The following CACNA1A variants were observed in gnomAD, a reference collection of about 807,000 sequenced individuals.
CACNA1A encodes calcium voltage-gated channel subunit alpha1 A, also known as voltage-dependent P/Q-type calcium channel subunit alpha-1A.
A neutral mutation model predicts 262.4 loss-of-function variants in CACNA1A; 57 were observed. That is an observed-to-expected ratio of 0.22 (90% confidence interval 0.18 to 0.27). CACNA1A has a LOEUF of 0.27. CACNA1A is among the 10% of genes least tolerant of loss of function. CACNA1A has a pLI of 1.00. For synonymous variants in CACNA1A, 1,431 were observed against 1,419.3 expected (o/e 1.01, Z -0.18); for missense variants, 2,526 against 3,562.8 (o/e 0.71, Z 7.41).
At chr19:13,438,436 G>A (rs1294256296) in intron 3 of CACNA1A, among the ~76,000 whole-genome samples, 1 of 152,222 alleles carries the variant, frequency 6.6e-6, no homozygotes, top group Non-Finnish European at 1.5e-5. Context: ...TTGCTGCCAC[G>A]TGAACTAGCT....
In CACNA1A at chr19:13,317,135, G is replaced by GAAGTCGGAGA; in HGVS notation, c.1531_1532insTCTCCGACTT (p.Pro511LeufsTer47). ...ACAAAGGAAGTCGGAGAGCCACTCG[G>GAAGTCGGAGA]GCTGGTTGTAGTGAACAATAGCAAC... On this transcript the variant is annotated frameshift_variant, in exon 11 of 47. Coordinates refer to ENST00000360228, the MANE Select transcript of CACNA1A (RefSeq NM_001127222.2). LOFTEE classifies it high-confidence loss of function. 6.2e-7 allele frequency: 1 copy of GAAGTCGGAGA among 1,607,952 alleles called. No individual in the cohort carries two copies. Among genetic ancestry groups the GAAGTCGGAGA allele is most frequent in the Non-Finnish European group, 8.5e-7 (1 of 1,174,904 alleles).
intron 3 of CACNA1A, among the ~76,000 whole-genome samples, chr19:13,410,910 A>C (rs1285066641): frequency 6.6e-6 from 1 of 151,804 alleles, no homozygotes; most frequent in African/African-American, 2.4e-5. Flanking sequence ...GCTCCTCCTC[A>C]TCTTCCCCAA....
intron 35 of CACNA1A, among the ~76,000 whole-genome samples, chr19:13,231,042 C>T (rs146192871): frequency 4.6e-5 from 7 of 150,894 alleles, no homozygotes; most frequent in Non-Finnish European, 7.4e-5. Context: ...CTCATTCTGT[C>T]GCCCTGGCTG....
At chr19:13,352,930 GCC>G (rs776151829) in intron 6 of CACNA1A, among the ~76,000 whole-genome samples, 5 of 152,038 alleles carry the variant, frequency 3.3e-5, no homozygotes, top group African/African-American at 4.8e-5. Context: ...CCGCCACCAT[GCC>G]TGGCTAATTT....
At chr19:13,210,540 CG>C in intron 44 of CACNA1A, 76 bp downstream of exon 44, 2 of 1,292,884 alleles carry the variant, frequency 1.5e-6, no homozygotes, top group Non-Finnish European at 2.1e-6. Context: ...TGAGAGATGA[CG>C]GGACTCCCTG....
chr19:13,333,800 A>G (rs1181614986), intron 8 of CACNA1A: 1 of 152,446 alleles, frequency 6.6e-6, no homozygotes, highest in Non-Finnish European at 1.5e-5. Context: ...GGGAGTTCCC[A>G]ACATGACATG....
chr19:13,332,236 A>G (rs899585853), intron 9 of CACNA1A, among the ~76,000 whole-genome samples: 10 of 152,074 alleles, frequency 6.6e-5, no homozygotes, highest in African/African-American at 2.4e-4. Flanking sequence ...CCCCATCTCT[A>G]TCAACAATAT....
In CACNA1A at chr19:13,312,662, C is replaced by T. The variant is rs567507041; in HGVS notation, c.1668+7G>A. 1.1e-4 allele frequency: 164 copies of T among 1,512,320 alleles called. 1 individual carries two copies. In the South Asian group the frequency reaches 1.9e-3, roughly 17 times the overall value. 93.7% of individuals were successfully genotyped at this position (1,512,320 alleles called of 1,614,324 possible). A position where few individuals can be genotyped will look rare whatever the true frequency, so the allele number is the denominator to read the frequency against. ...AGAAATGAACTCTTAGAAACAAGAG[C>T]ACTTACCCCACAGTCAAAGCAGTTG... On this transcript the variant is annotated splice_region_variant and intron_variant, in intron 12 of 46. Coordinates refer to ENST00000360228, the MANE Select transcript of CACNA1A (RefSeq NM_001127222.2).
At chr19:13,325,174 T>C (rs1413693724) in intron 10 of CACNA1A, among the ~76,000 whole-genome samples, 1 of 140,194 alleles carries the variant, frequency 7.1e-6, no homozygotes, top group East Asian at 2.1e-4. Flanking sequence ...TCTTCTTCTT[T>C]CCTCCTCTTC....
chr19:13,457,784 C>T (rs1174277411), intron 1 of CACNA1A, among the ~76,000 whole-genome samples: 7 of 146,828 alleles, frequency 4.8e-5, no homozygotes, highest in Admixed American at 2.8e-4. Context: ...ACCCGGGAGG[C>T]GGAGGTTGCA....
intron 22 of CACNA1A, among the ~76,000 whole-genome samples, chr19:13,280,596 G>T (rs2057266481): frequency 6.6e-6 from 1 of 152,018 alleles, no homozygotes. Context: ...GTCAACAGGG[G>T]ATGGATAACA....
At chr19:13,405,305 A>C (rs1157550144) in intron 3 of CACNA1A, among the ~76,000 whole-genome samples, 1 of 151,668 alleles carries the variant, frequency 6.6e-6, no homozygotes, top group Non-Finnish European at 1.5e-5. Flanking sequence ...CAATCCTCCC[A>C]CCTCAGCCTC....
intron 15 of CACNA1A, among the ~76,000 whole-genome samples, chr19:13,307,082 C>T (rs902615059): frequency 4.6e-5 from 7 of 152,190 alleles, no homozygotes; most frequent in African/African-American, 1.7e-4. Flanking sequence ...TCCACTTCAG[C>T]TGCCCTAGTA....
intron 6 of CACNA1A, among the ~76,000 whole-genome samples, chr19:13,339,890 G>A (rs1034610907): frequency 1.3e-5 from 2 of 152,044 alleles, no homozygotes; most frequent in African/African-American, 4.8e-5. Context: ...TTGTTTTAAC[G>A]AGCTCAGAAA....
intron 3 of CACNA1A, among the ~76,000 whole-genome samples, chr19:13,441,496 C>A (rs1048322915): frequency 2.6e-5 from 4 of 151,436 alleles, no homozygotes; most frequent in African/African-American, 9.7e-5. Flanking sequence ...GTGAAACCCC[C>A]TCTCTACTAA....
At chr19:13,430,389 T>A (rs147247512) in intron 3 of CACNA1A, among the ~76,000 whole-genome samples, 11,710 of 152,078 alleles carry the variant, frequency 0.077, 462 homozygotes, top group South Asian at 0.16. Context: ...GTATTTTTAG[T>A]AGAGACAGGG....
chr19:13,342,701 G>A (rs2058695125), intron 6 of CACNA1A, among the ~76,000 whole-genome samples: 2 of 152,152 alleles, frequency 1.3e-5, no homozygotes, highest in Admixed American at 1.3e-4. Flanking sequence ...GGACCTTCTA[G>A]CATTCCTTTT....
intron 3 of CACNA1A, among the ~76,000 whole-genome samples, chr19:13,435,823 T>TTTTTGTTTTG (rs1257054119): frequency 6.6e-6 from 1 of 151,946 alleles, no homozygotes; most frequent in African/African-American, 2.4e-5. Context: ...GCTTTACTTG[T>TTTTTGTTTTG]TTTTGTTTTG....
intron 43 of CACNA1A, 124 bp from the exon 44 acceptor site, chr19:13,210,776 G>A (rs1025907165): frequency 1.0e-5 from 10 of 980,028 alleles, no homozygotes; most frequent in Admixed American, 8.1e-5. Context: ...AGTGGCACTG[G>A]CATCAAGAGA....
Sources: allele counts gnomAD v4.1 joint callset (sites outside exome capture counted in the v4.1 genomes callset), GRCh38; gene constraint gnomAD v4.1.1; transcripts MANE v1.5; gene names NCBI Gene and HGNC (gene_info 2026-07-23, HGNC 2026-07-21).